SEC14L6: variants seen among roughly 807,000 people sequenced by gnomAD.
SEC14L6 encodes the protein SEC14 like lipid binding 6.
A neutral mutation model predicts 54.1 loss-of-function variants in SEC14L6; 40 were observed. The ratio of observed to expected loss-of-function variants is 0.74; its 90% CI spans 0.57 to 0.96. The LOEUF (loss-of-function observed/expected upper bound fraction) is 0.96. Ranked by LOEUF, SEC14L6 falls within the 40% of genes least tolerant of loss-of-function variation. SEC14L6 has a pLI of 0.00. For synonymous variants in SEC14L6, 171 were observed against 198.4 expected, an observed-to-expected ratio of 0.86 and a Z score of 1.16; for missense variants, 471 against 498.3, an observed-to-expected ratio of 0.95 and a Z score of 0.52.
chr22:30,545,964 G>T (rs2085794282), intron 1 of SEC14L6, among the ~76,000 whole-genome samples: 1 of 152,132 alleles, frequency 6.6e-6, no homozygotes, highest in Non-Finnish European at 1.5e-5. Context: ...TCACCCTGTT[G>T]CCCAGGCTGG....
At chr22:30,528,422 C>CCTTTTTTTTTTTTTTTTTTTT (rs773969166) in intron 8 of SEC14L6, among the ~76,000 whole-genome samples, 2 of 105,536 alleles carry the variant, frequency 1.9e-5, no homozygotes, top group African/African-American at 8.0e-5. Flanking sequence ...CGCTCGGCCT[C>CCTTTTTTTTTTTTTTTTTTTT]TTTTTTTTTT....
intron 2 of SEC14L6, among the ~76,000 whole-genome samples, chr22:30,535,283 G>A (rs1203938387): frequency 6.6e-6 from 1 of 152,150 alleles, no homozygotes; most frequent in Non-Finnish European, 1.5e-5. Context: ...GCCTTAGCTG[G>A]GCTGTCACCC....
Position 30,525,874 on chromosome 22 carries a change from A to C in SEC14L6, c.723T>G (p.Phe241Leu), listed in dbSNP as rs777212021. The change falls in exon 9 of 12, where the codon TTT becomes TTG. Residue 241 changes from phenylalanine (F) to leucine (L), a missense_variant. Physicochemically the swap from Phe to Leu is conservative, Grantham distance 22. Coordinates refer to ENST00000402034, the MANE Select transcript of SEC14L6 (RefSeq NM_001193336.4). ...CATCGGGGTCAGTCATGGTCCCCCC[A>C]AACTCCACGGGCAGCTGGTCGGGGC... ...FISPDQLPVE[F>L]GGTMTDPDGN... 1.9e-6 allele frequency: 3 copies of C among 1,613,696 alleles called. No individual in the cohort carries two copies. Among genetic ancestry groups the C allele is most frequent in the Non-Finnish European group, 2.5e-6 (3 of 1,179,764 alleles).
rs757299318 is a variant in SEC14L6, at chr22:30,532,804, G to T, written c.227C>A (p.Pro76His). 12 of 1,613,360 alleles carry T rather than the reference G, an allele frequency of 7.4e-6. No homozygotes were observed. The highest frequency in any genetic ancestry group is 1.0e-5 in the Non-Finnish European group (12 of 1,179,834). Residue 76 changes from proline (P) to histidine (H), a missense_variant, in exon 4 of 12, where the codon CCC becomes CAC. Coordinates refer to ENST00000402034, the MANE Select transcript of SEC14L6 (RefSeq NM_001193336.4). ...QDLANILAWQ[P>H]PEVVRLYNAN... ...GGTTTGAGAGATGCTCACCTCTGGG[G>T]GCTGCCAGGCAAGGATGTTGGCCAG... is the stretch of plus-strand genomic sequence containing the variant.
chr22:30,542,711 C>T, intron 1 of SEC14L6: 1 of 1,567,976 alleles, frequency 6.4e-7, no homozygotes. Flanking sequence ...TCAGTTGCAG[C>T]TGGAGAGTCG....
At chr22:30,535,802 C>T (rs1337824535) in intron 2 of SEC14L6, among the ~76,000 whole-genome samples, 2 of 152,088 alleles carry the variant, frequency 1.3e-5, no homozygotes, top group African/African-American at 4.8e-5. Flanking sequence ...CCTCAACTTC[C>T]CAGGCTCAAG....
intron 1 of SEC14L6, chr22:30,544,331 A>G (rs1304729211): frequency 2.7e-6 from 1 of 371,394 alleles, no homozygotes; most frequent in Non-Finnish European, 5.0e-6. Flanking sequence ...CCGACCTGGG[A>G]AGCGGCCAGA....
intron 6 of SEC14L6, among the ~76,000 whole-genome samples, chr22:30,529,561 G>A (rs1936901232): frequency 6.6e-6 from 1 of 152,104 alleles, no homozygotes; most frequent in Non-Finnish European, 1.5e-5. Context: ...CCTAGTCATA[G>A]ACCTTCCTTG....
intron 11 of SEC14L6, 103 bp from the exon 12 acceptor site, chr22:30,525,212 AC>A (rs1447738461): frequency 2.1e-5 from 28 of 1,316,060 alleles, no homozygotes; most frequent in Non-Finnish European, 3.0e-5. Flanking sequence ...AACCATTGCC[AC>A]AATTGAGAGC....
intron 3 of SEC14L6, among the ~76,000 whole-genome samples, chr22:30,533,403 C>G (rs1349083530): frequency 6.6e-6 from 1 of 152,156 alleles, no homozygotes; most frequent in African/African-American, 2.4e-5. Flanking sequence ...GAGTTCAAGA[C>G]CAGCCTGGCC....
In SEC14L6 at chr22:30,525,310, G is replaced by A. The variant is rs752694437; in HGVS notation, c.1081+40C>T. On this transcript the variant is annotated intron_variant, in intron 11 of 11. Coordinates refer to ENST00000402034, the MANE Select transcript of SEC14L6 (RefSeq NM_001193336.4). ...TGCACATTGTAGCACCCTCCCCCTA[G>A]CCCCCAGCTCCAGGTAGAGCCATCC... The A allele has an allele frequency of 6.9e-6, 11 of 1,601,424 alleles. No individual in the cohort carries two copies. The East Asian group carries it at 2.5e-4, about 36-fold the overall frequency.
chr22:30,543,726 A>G, intron 1 of SEC14L6: 1 of 1,597,274 alleles, frequency 6.3e-7, no homozygotes, highest in Non-Finnish European at 8.6e-7. Flanking sequence ...TGGTGGCCCT[A>G]CTGATGGAGG....
intron 1 of SEC14L6, chr22:30,543,398 A>T: frequency 6.2e-7 from 1 of 1,601,334 alleles, no homozygotes; most frequent in South Asian, 1.1e-5. Context: ...CAGGTGACGA[A>T]ATTCTACCCC....
At chr22:30,533,651 T>G (rs1337647091) in intron 3 of SEC14L6, among the ~76,000 whole-genome samples, 1 of 151,864 alleles carries the variant, frequency 6.6e-6, no homozygotes, top group African/African-American at 2.4e-5. Context: ...GGCCTTTGCA[T>G]GAGCTGTGCT....
At chr22:30,531,882 C>T (rs1936986036) in intron 6 of SEC14L6, 21 bp downstream of exon 6, 4 of 1,530,828 alleles carry the variant, frequency 2.6e-6, no homozygotes, top group Non-Finnish European at 3.5e-6. Flanking sequence ...CCCACCCATG[C>T]CCCTGGCGGG....
intron 1 of SEC14L6, chr22:30,543,619 G>T: frequency 1.2e-6 from 2 of 1,613,430 alleles, no homozygotes; most frequent in Non-Finnish European, 1.7e-6. Flanking sequence ...GAAGGTCTCA[G>T]CCCACCTGAA....
At chr22:30,543,460 A>T in intron 1 of SEC14L6, 1 of 1,612,146 alleles carries the variant, frequency 6.2e-7, no homozygotes, top group Non-Finnish European at 8.5e-7. Context: ...CCGGACAGAA[A>T]CGGCCTCAAC....
chr22:30,539,857 C>T (rs1170010789), intron 1 of SEC14L6, among the ~76,000 whole-genome samples: 1 of 152,176 alleles, frequency 6.6e-6, no homozygotes, highest in East Asian at 1.9e-4. Flanking sequence ...TTGGTTAGGA[C>T]AGTTCAGCTG....
chr22:30,525,778 T>G (rs990381152), intron 9 of SEC14L6, 28 bp from the exon 10 acceptor site: 26 of 1,613,664 alleles, frequency 1.6e-5, no homozygotes, highest in Non-Finnish European at 2.2e-5. Flanking sequence ...GTGTGGGCAC[T>G]AGGTCACAGC....
Sources: gnomAD v4.1 joint callset for allele counts (sites outside exome capture counted in the v4.1 genomes callset) on GRCh38, gnomAD v4.1.1 for gene constraint, MANE v1.5 for transcripts, NCBI Gene and HGNC (gene_info 2026-07-23, HGNC 2026-07-21) for gene names.